ARHGAP39: variants seen among roughly 807,000 people sequenced by gnomAD.
The protein encoded by ARHGAP39 is Rho GTPase activating protein 39, also known as rho GTPase-activating protein 39.
In ARHGAP39, 44 loss-of-function variants were observed where a neutral mutation model predicts 106.9. The observed-to-expected ratio is 0.41, with a 90% CI of 0.32 to 0.53. The LOEUF is 0.53. ARHGAP39 is among the 20% of genes least tolerant of loss of function. ARHGAP39 has a pLI of 0.21. For missense variants in ARHGAP39, 1,496 were observed against 1,577.3 expected (o/e 0.95, Z 0.87); for synonymous variants, 768 against 693.2 (o/e 1.11, Z -1.69).
At chr8:144,667,967 C>A (rs372161576) in intron 1 of ARHGAP39, among the ~76,000 whole-genome samples, 5 of 151,878 alleles carry the variant, frequency 3.3e-5, no homozygotes, top group Admixed American at 2.6e-4. Context: ...ATGTTCAAAC[C>A]ATTGGGCGAG....
intron 2 of ARHGAP39, among the ~76,000 whole-genome samples, chr8:144,596,628 G>T (rs1367522999): frequency 1.3e-5 from 2 of 152,200 alleles, no homozygotes; most frequent in African/African-American, 2.4e-5. Flanking sequence ...GTGAGCACGT[G>T]GGGGAGGAGT....
rs534865516 is a variant in ARHGAP39, at chr8:144,580,788, C to A, written c.512+58G>T. The A allele has an allele frequency of 3.9e-5, 52 of 1,327,454 alleles. No homozygotes were observed. The East Asian group carries it at 8.7e-4, about 22-fold the overall frequency. 82.2% of individuals were successfully genotyped at this position (1,327,454 alleles called of 1,614,324 possible). On this transcript the variant is annotated intron_variant, in intron 3 of 11. Transcript: ENST00000377307. ...GCCCACCACCCCCTACCTGCCTCAC[C>A]TGGCCCCGCCCACTCCATTCACCTG...
At position 144,555,566 on chromosome 8, in the gene ARHGAP39, T is replaced by TGAA; in HGVS notation, c.587_589dup (p.Leu196dup). ...CCTGAGAGATGGGTTCTACCTGTAG[T>TGAA]GAAGAAGCTGGCCGTCCGCACTGTA... On this transcript the variant is annotated inframe_insertion, in exon 4 of 12. Coordinates refer to ENST00000377307, the MANE Select transcript of ARHGAP39 (RefSeq NM_025251.3). The TGAA allele has an allele frequency of 6.2e-7, 1 of 1,613,896 alleles. No homozygotes were observed. Among genetic ancestry groups the TGAA allele is most frequent in the Non-Finnish European group, 8.5e-7 (1 of 1,179,910 alleles).
intron 1 of ARHGAP39, among the ~76,000 whole-genome samples, chr8:144,655,227 G>T (rs1470755506): frequency 6.6e-6 from 1 of 152,146 alleles, no homozygotes; most frequent in Non-Finnish European, 1.5e-5. Context: ...ACTGGAGTGG[G>T]AAGTTGTGGT....
At chr8:144,602,095 G>A (rs1284126283) in intron 2 of ARHGAP39, among the ~76,000 whole-genome samples, 1 of 146,454 alleles carries the variant, frequency 6.8e-6, no homozygotes, top group Non-Finnish European at 1.5e-5. Flanking sequence ...GGAGGCGTGT[G>A]TGCTCGTGTA....
Position 144,547,205 on chromosome 8 carries a change from G to A in ARHGAP39, c.1881C>T (p.Phe627=), listed in dbSNP as rs138488684. Residue 627 remains phenylalanine, a synonymous_variant, in exon 5 of 12, where the codon TTC becomes TTT. Transcript: ENST00000377307. This position sits in a 1 kb window ranked among gnomAD's most constrained non-coding sequence, Gnocchi z 5.2. ...WRRGTFEKLG[F]PQILLEKSVS... ...CGCTCTTCTCCAGCAGGATCTGGGG[G>A]AAGCCTAGCTTCTCGAAGGTGCCCC... 20 of 1,612,438 alleles carry A rather than the reference G, an allele frequency of 1.2e-5. No individual in the cohort carries two copies. The African/African-American group carries it at 2.3e-4, about 18-fold the overall frequency.
chr8:144,602,287 G>A (rs547995188), intron 2 of ARHGAP39, among the ~76,000 whole-genome samples: 25 of 110,964 alleles, frequency 2.3e-4, no homozygotes, highest in Non-Finnish European at 2.8e-4. Context: ...GCGTGGAGGC[G>A]TGTGTGCTCG....
At chr8:144,651,477 T>C (rs1263021311) in intron 1 of ARHGAP39, among the ~76,000 whole-genome samples, 4 of 151,854 alleles carry the variant, frequency 2.6e-5, no homozygotes, top group Non-Finnish European at 5.9e-5. Context: ...CTGAGGTGAG[T>C]GAATCACCTG....
Position 144,538,770 on chromosome 8 carries a change from C to T in ARHGAP39, c.2522-957G>A, listed in dbSNP as rs146590177. Among the ~76,000 whole-genome samples the T allele has an allele frequency of 8.6e-3, 1,310 of 152,258 alleles. 17 individuals are homozygous for T. Among genetic ancestry groups the T allele is most frequent in the African/African-American group, 0.03 (1,265 of 41,546 alleles). On this transcript the variant is annotated intron_variant, in intron 6 of 11. Transcript: ENST00000377307. ...ACTTTTGGTAGAGATGGGGTTTCACCATGTTGGCCAGGCTGGTCTTGAACT... is the reference window on the plus strand; with the variant it reads ...ACTTTTGGTAGAGATGGGGTTTCACTATGTTGGCCAGGCTGGTCTTGAACT...
Position 144,646,397 on chromosome 8 carries a change from G to A in ARHGAP39, c.-82+39289C>T, listed in dbSNP as rs1219927006. On this transcript the variant is annotated intron_variant, in intron 1 of 11. Transcript: ENST00000377307. The surrounding 1 kb of genome is among the most constrained non-coding windows in gnomAD (Gnocchi z 5.7). Reference sequence around the variant, plus strand: ...AAACTTCGTAGCACATGCCTTCTTGGCTTCTGTTTGTTTTTAATCCTGTGA... The same window carrying A: ...AAACTTCGTAGCACATGCCTTCTTGACTTCTGTTTGTTTTTAATCCTGTGA... 6.6e-6 allele frequency among the ~76,000 whole-genome samples: 1 copy of A among 152,096 alleles called. No homozygotes were observed. Among genetic ancestry groups the A allele is most frequent in the African/African-American group, 2.4e-5 (1 of 41,410 alleles).
At chr8:144,613,914 T>C (rs1563708738) in intron 1 of ARHGAP39, among the ~76,000 whole-genome samples, 1 of 152,240 alleles carries the variant, frequency 6.6e-6, no homozygotes, top group Non-Finnish European at 1.5e-5. Flanking sequence ...CTGAAAGTTG[T>C]CCTACAGCTC....
chr8:144,548,472 C>A lies in ARHGAP39; in HGVS notation c.614G>T (p.Trp205Leu). 1 of 1,609,914 alleles carries A rather than the reference C, an allele frequency of 6.2e-7. No individual in the cohort carries two copies. ...CATGCGCTCTTTGGCGCCCGAGTTC[C>A]ACCGCAGCGAGGAGGTCCTGCGTGG... ...LLHYRTSSLR[W>L]NSGAKERMLI... The change falls in exon 5 of 12, where the codon TGG (tryptophan) becomes TTG (leucine). Residue 205 changes from tryptophan (W) to leucine (L), a missense_variant. By Grantham distance (61) the Trp-to-Leu change is moderately conservative. Transcript: ENST00000377307. This position sits in a 1 kb window ranked among gnomAD's most constrained non-coding sequence, Gnocchi z 7.4.
chr8:144,544,904 G>T (rs928857189), intron 6 of ARHGAP39, among the ~76,000 whole-genome samples: 1 of 152,274 alleles, frequency 6.6e-6, no homozygotes, highest in East Asian at 1.9e-4. Flanking sequence ...AGGCACACAG[G>T]TGCCTGACTA....
chr8:144,602,457 G>A (rs566332160), intron 2 of ARHGAP39, among the ~76,000 whole-genome samples: 10 of 139,472 alleles, frequency 7.2e-5, no homozygotes, highest in East Asian at 4.5e-4. Context: ...GTGCGAGCTC[G>A]TGTACCTGTG....
chr8:144,633,019 G>A (rs544933612), intron 1 of ARHGAP39, among the ~76,000 whole-genome samples: 1 of 152,332 alleles, frequency 6.6e-6, no homozygotes, highest in East Asian at 1.9e-4. Context: ...GCTTGTGCCT[G>A]TAATCCCAGC....
chr8:144,606,168 C>T (rs1293161679), intron 1 of ARHGAP39, among the ~76,000 whole-genome samples: 3 of 152,240 alleles, frequency 2.0e-5, no homozygotes, highest in East Asian at 1.9e-4. Context: ...CGGGGCCACA[C>T]GTGTAGCACA....
intron 1 of ARHGAP39, among the ~76,000 whole-genome samples, chr8:144,648,343 T>C (rs1186856944): frequency 1.3e-5 from 2 of 152,202 alleles, no homozygotes; most frequent in Admixed American, 1.3e-4. Flanking sequence ...TATACAACTA[T>C]TTTAGGCCCC....
chr8:144,698,355 A>T, the ARHGAP39 span, among the ~76,000 whole-genome samples: 1 of 152,222 alleles, frequency 6.6e-6, no homozygotes, highest in Admixed American at 6.5e-5. Context: ...CAGAACTGTG[A>T]GCCAAATAAA....
the ARHGAP39 span, among the ~76,000 whole-genome samples, chr8:144,694,585 G>A: frequency 2.0e-5 from 3 of 152,244 alleles, no homozygotes; most frequent in African/African-American, 7.2e-5. Flanking sequence ...TTGTGCGGTA[G>A]TAACAACTCC....
Sources: gnomAD v4.1 joint callset for allele counts (sites outside exome capture counted in the v4.1 genomes callset) on GRCh38, gnomAD v4.1.1 for gene constraint, Gnocchi (gnomAD v3.1) non-coding constraint, MANE v1.5 for transcripts, NCBI Gene and HGNC (gene_info 2026-07-23, HGNC 2026-07-21) for gene names.